Variants in UNC13D observed in about 807,000 individuals in gnomAD.
UNC13D encodes the protein protein unc-13 homolog D.
A neutral mutation model predicts 151.7 loss-of-function variants in UNC13D; 115 were observed. The ratio of observed to expected loss-of-function variants is 0.76; its 90% CI spans 0.65 to 0.88. The LOEUF is 0.88. UNC13D is among the 40% of genes least tolerant of loss of function. The pLI, the probability that UNC13D is intolerant of heterozygous loss-of-function variation, is 0.00. For missense variants in UNC13D, 1,369 were observed against 1,438.7 expected, an observed-to-expected ratio of 0.95 and a Z score of 0.78; for synonymous variants, 588 against 612.2, an observed-to-expected ratio of 0.96 and a Z score of 0.58.
Position 75,830,020 on chromosome 17 carries a change from C to G in UNC13D, c.2954+8G>C, listed in dbSNP as rs1483854859. 4 of 1,574,940 alleles carry G rather than the reference C, an allele frequency of 2.5e-6. No homozygotes were observed. The highest frequency in any genetic ancestry group is 3.8e-5 in the Admixed American group (2 of 53,284). On this transcript the variant is annotated splice_region_variant and intron_variant, in intron 30 of 31. Coordinates refer to ENST00000207549, the MANE Select transcript of UNC13D (RefSeq NM_199242.3). ...GGAGGGACTGGGAGAAGAACGGGAC[C>G]CACTCACAATTCAAAGGTCTCATCA...
rs769515087 is a variant in UNC13D at position 75,836,052 on chromosome 17, G to T, written c.1504C>A (p.Leu502Met). ...LGLVQDVIGDLHQCQRTWDKI... is the reference protein window; with the variant it reads ...LGLVQDVIGDMHQCQRTWDKI... Reference sequence around the variant, plus strand: ...TCCCATGTGCGCTGGCACTGGTGCAGGTCGCCAATGACATCCTGTACCAGG... The same window carrying T: ...TCCCATGTGCGCTGGCACTGGTGCATGTCGCCAATGACATCCTGTACCAGG... The change falls in exon 17 of 32, where the codon CTG (leucine) becomes ATG (methionine). Residue 502 changes from leucine (L) to methionine (M), a missense_variant. Physicochemically the swap from Leu to Met is conservative, Grantham distance 15 (BLOSUM62 2). This residue lies in a region of UNC13D where 807 missense variants were observed against 795.5 expected (regional missense o/e 1.01). Coordinates refer to ENST00000207549, the MANE Select transcript of UNC13D (RefSeq NM_199242.3). The T allele has an allele frequency of 6.2e-7, 1 of 1,613,936 alleles. No homozygotes were observed. The highest frequency in any genetic ancestry group is 1.1e-5 in the South Asian group (1 of 91,092).
Position 75,835,397 on chromosome 17 carries a change from C to A in UNC13D, c.1848+12G>T, listed in dbSNP as rs1007029165. ...ACCGGGGCCCCGCCCCCTGCCCTGG[C>A]CACGCCCCCACCTCATCCATCTGCA... is the stretch of plus-strand genomic sequence containing the variant. On this transcript the variant is annotated intron_variant, in intron 20 of 31. Transcript: ENST00000207549. The A allele has an allele frequency of 6.2e-7, 1 of 1,610,158 alleles. No individual in the cohort carries two copies. The highest frequency in any genetic ancestry group is 8.5e-7 in the Non-Finnish European group (1 of 1,179,306).
Position 75,830,493 on chromosome 17 carries a change from G to C in UNC13D, c.2710-11C>G. On this transcript the variant is annotated splice_polypyrimidine_tract_variant and intron_variant, in intron 28 of 31. Transcript: ENST00000207549. ...AGAGGTGGTTTCTGCCTGGGGTGGG[G>C]AGCAGGGGCAGGGTCAGCAGGGTCA... is the stretch of plus-strand genomic sequence containing the variant. 2 of 1,591,758 alleles carry C rather than the reference G, an allele frequency of 1.3e-6. No homozygotes were observed. Among genetic ancestry groups the C allele is most frequent in the Non-Finnish European group, 1.7e-6 (2 of 1,169,436 alleles).
chr17:75,842,354 A>G, intron 6 of UNC13D, 79 bp downstream of exon 6: 1 of 1,545,986 alleles, frequency 6.5e-7, no homozygotes, highest in Admixed American at 1.8e-5. Flanking sequence ...AGGACGACCT[A>G]CTCATCTCAT....
intron 27 of UNC13D, 34 bp from the exon 28 acceptor site, chr17:75,830,695 C>T: frequency 6.4e-7 from 1 of 1,553,144 alleles, no homozygotes; most frequent in Non-Finnish European, 8.7e-7. Context: ...TCCACCTGGA[C>T]TGCACGCCCA....
Position 75,830,446 on chromosome 17 carries a change from C to A in UNC13D, c.2746G>T (p.Val916Phe). The A allele has an allele frequency of 6.3e-7, 1 of 1,587,046 alleles. No homozygotes were observed. ...TTSEELGAVT[V>F]KASYRASEQK... ...TCAGAGGCGCGGTAGGAGGCCTTGA[C>A]TGTCACAGCCCCCAGCTCCTCAGAG... Residue 916 changes from valine to phenylalanine, a missense_variant, in exon 29 of 32, where the codon GTC becomes TTC. Physicochemically the swap from Val to Phe is conservative, Grantham distance 50 (BLOSUM62 -1). Coordinates refer to ENST00000207549, the MANE Select transcript of UNC13D (RefSeq NM_199242.3).
Position 75,835,447 on chromosome 17 carries a change from C to G in UNC13D, c.1810G>C (p.Ala604Pro), listed in dbSNP as rs766829500. The G allele has an allele frequency of 1.2e-6, 2 of 1,613,014 alleles. No homozygotes were observed. The highest frequency in any genetic ancestry group is 1.7e-6 in the Non-Finnish European group (2 of 1,179,808). ...PSWLQKTYNE[A>P]LARVQRAVQM... ...ACAGCGCGCTGCACCCGCGCCAGGG[C>G]CTCGTTGTACGTCTTCTGCAGCCAG... Residue 604 changes from alanine (A) to proline (P), a missense_variant, in exon 20 of 32, where the codon GCC (alanine) becomes CCC (proline). Ala to Pro is a conservative substitution (Grantham distance 27, BLOSUM62 -1). This residue lies in a region of UNC13D where 807 missense variants were observed against 795.5 expected (regional missense o/e 1.01). Coordinates refer to ENST00000207549, the MANE Select transcript of UNC13D (RefSeq NM_199242.3).
In UNC13D at chr17:75,830,640, G is replaced by T; in HGVS notation, c.2647C>A (p.Leu883Met). 1 of 1,555,268 alleles carries T rather than the reference G, an allele frequency of 6.4e-7. No homozygotes were observed. Among genetic ancestry groups the T allele is most frequent in the Non-Finnish European group, 8.7e-7 (1 of 1,149,696 alleles). ...AGTTCCCGGCTGGAGGCCGCCTGCA[G>T]CTCCAGGTCCCTCTGCAGAGCCTGG... ...TFQALQRDLE[L>M]QAASSRELIR... Residue 883 changes from leucine to methionine, a missense_variant, in exon 28 of 32, where the codon CTG becomes ATG. Leu to Met is a conservative substitution (Grantham distance 15). Coordinates refer to ENST00000207549, the MANE Select transcript of UNC13D (RefSeq NM_199242.3).
chr17:75,841,135 CTTTT>C (rs34691954), intron 6 of UNC13D, 134 bp from the exon 7 acceptor site: 1,783 of 301,048 alleles, frequency 5.9e-3, no homozygotes, highest in East Asian at 0.012. Context: ...AGCCGCATCC[CTTTT>C]TTTTTTTTTT....
Position 75,830,597 on chromosome 17 carries a change from C to T in UNC13D, c.2690G>A (p.Cys897Tyr), listed in dbSNP as rs1391662968. Residue 897 changes from cysteine to tyrosine, a missense_variant, in exon 28 of 32, where the codon TGC becomes TAC. Coordinates refer to ENST00000207549, the MANE Select transcript of UNC13D (RefSeq NM_199242.3). ...SSRELIRKYF[C>Y]SRIQQQAETT... is the part of the protein sequence containing the mutation. Reference sequence around the variant, plus strand: ...CCTCACCTGCTGCTGGATTCGGCTGCAGAAGTACTTCCGGATGAGTTCCCG... The same window carrying T: ...CCTCACCTGCTGCTGGATTCGGCTGTAGAAGTACTTCCGGATGAGTTCCCG... 3.2e-6 allele frequency: 5 copies of T among 1,560,702 alleles called. No individual in the cohort carries two copies. Among genetic ancestry groups the T allele is most frequent in the African/African-American group, 1.4e-5 (1 of 73,584 alleles).
Position 75,842,683 on chromosome 17 carries a change from C to T in UNC13D, c.389-70G>A. 5 of 1,606,482 alleles carry T rather than the reference C, an allele frequency of 3.1e-6. No individual in the cohort carries two copies. In the South Asian group the frequency reaches 4.4e-5, roughly 14 times the overall value. Reference sequence around the variant, plus strand: ...GTCCCTGGGAGAGGCCCTCATCACCCCCGCCCGGGGCTGAGCCTCCTCCGG... The same window carrying T: ...GTCCCTGGGAGAGGCCCTCATCACCTCCGCCCGGGGCTGAGCCTCCTCCGG... On this transcript the variant is annotated intron_variant, in intron 5 of 31. Transcript: ENST00000207549.
At position 75,835,410 on chromosome 17, in the gene UNC13D, T is replaced by C. The variant is rs754621494; in HGVS notation, c.1847A>G (p.Glu616Gly). The change falls in exon 20 of 32, where the codon GAG (glutamate) becomes GGG (glycine). Residue 616 changes from glutamate to glycine, a missense_variant and splice_region_variant. Glu to Gly is a moderately conservative substitution (Grantham distance 98). Transcript: ENST00000207549. ...CCCCTGCCCTGGCCACGCCCCCACC[T>C]CATCCATCTGCACAGCGCGCTGCAC... ...ARVQRAVQMD[E>G]LVPLGELTKH... The C allele has an allele frequency of 3.7e-6, 6 of 1,611,476 alleles. No individual in the cohort carries two copies. Among genetic ancestry groups the C allele is most frequent in the Non-Finnish European group, 5.1e-6 (6 of 1,179,504 alleles).
At position 75,835,741 on chromosome 17, in the gene UNC13D, C is replaced by T. The variant is rs1162838924; in HGVS notation, c.1633G>A (p.Gly545Ser). The change falls in exon 19 of 32, where the codon GGT becomes AGT. Residue 545 changes from glycine (G) to serine (S), a missense_variant. Physicochemically the swap from Gly to Ser is moderately conservative, Grantham distance 56 (BLOSUM62 0). Around this residue, in one of 3 missense-constraint regions of UNC13D, gnomAD observed 807 missense variants for 795.5 expected, o/e 1.01. Transcript: ENST00000207549. ...CCCATCTCTGGGGACACTACATCAC[C>T]CACAACCGTCGTGTGGTCCTGCACC... ...KRVQDHTTVV[G>S]DVVSPEMGES... is the part of the protein sequence containing the mutation. The T allele has an allele frequency of 1.2e-6, 2 of 1,613,874 alleles. No individual in the cohort carries two copies. Among genetic ancestry groups the T allele is most frequent in the South Asian group, 2.2e-5 (2 of 91,088 alleles).
In UNC13D at chr17:75,830,668, A is replaced by C. The variant is rs1335198994; in HGVS notation, c.2626-7T>G. On this transcript the variant is annotated splice_region_variant and splice_polypyrimidine_tract_variant and intron_variant, in intron 27 of 31. Transcript: ENST00000207549. ...CCAGGTCCCTCTGCAGAGCCTGGGA[A>C]CACATACAGCTGAGGATCCACCTGG... 2 of 1,553,208 alleles carry C rather than the reference A, an allele frequency of 1.3e-6. No individual in the cohort carries two copies. Among genetic ancestry groups the C allele is most frequent in the Non-Finnish European group, 1.7e-6 (2 of 1,148,596 alleles).
chr17:75,833,981 T>TG lies in UNC13D; in HGVS notation c.2367+93dup. 3 of 1,503,102 alleles carry TG rather than the reference T, an allele frequency of 2.0e-6. No homozygotes were observed. The South Asian group carries it at 3.4e-5, about 17-fold the overall frequency. The allele number at this position is 1,503,102 out of a possible 1,614,324, so 93.1% of individuals were successfully genotyped here. On this transcript the variant is annotated intron_variant, in intron 24 of 31. Transcript: ENST00000207549. The surrounding 1 kb of genome is among the most constrained non-coding windows in gnomAD (Gnocchi z 4.0). ...GGGAGAGAACATGCTTTGCCTGGTC[T>TG]GGGGGACTTATCTTTGACACCAAGG...
intron 27 of UNC13D, 129 bp downstream of exon 27, chr17:75,830,969 T>G: frequency 8.5e-7 from 1 of 1,183,300 alleles, no homozygotes; most frequent in East Asian, 2.5e-5. Flanking sequence ...TAATAACTTT[T>G]GAATAAGGGG....
At chr17:75,839,504 G>A (rs2064932669) in intron 12 of UNC13D, among the ~76,000 whole-genome samples, 1 of 151,912 alleles carries the variant, frequency 6.6e-6, no homozygotes, top group Non-Finnish European at 1.5e-5. Context: ...CAAATCTCCA[G>A]ATAGCTTTTT....
At chr17:75,834,859 CG>C in intron 21 of UNC13D, 60 bp downstream of exon 21, 1 of 1,613,126 alleles carries the variant, frequency 6.2e-7, no homozygotes, top group Non-Finnish European at 8.5e-7. Context: ...ACGGGAGAAA[CG>C]GTGGGTGGTA....
intron 5 of UNC13D, 110 bp from the exon 6 acceptor site, chr17:75,842,723 G>T: frequency 6.3e-7 from 1 of 1,596,498 alleles, no homozygotes; most frequent in East Asian, 2.2e-5. Context: ...GAGGGAAGGG[G>T]ACCAGCAGCA....
Sources: allele counts gnomAD v4.1 joint callset (sites outside exome capture counted in the v4.1 genomes callset), GRCh38; gene constraint gnomAD v4.1.1; regional missense constraint gnomAD v4.1.1; non-coding constraint Gnocchi (gnomAD v3.1); transcripts MANE v1.5; gene names NCBI Gene and HGNC (gene_info 2026-07-23, HGNC 2026-07-21).